Variants in SPAG6 observed in about 807,000 individuals in gnomAD.
The protein encoded by SPAG6 is sperm associated antigen 6, also known as sperm-associated antigen 6.
SPAG6 carries 49 observed loss-of-function variants against 58.5 expected under a neutral mutation model. The ratio of observed to expected loss-of-function variants is 0.84; its 90% CI spans 0.67 to 1.06. The LOEUF is 1.06. Among genes scored for constraint, SPAG6 ranks in the 50% least tolerant of loss-of-function variants. The pLI is 0.00. For synonymous variants in SPAG6, 233 were observed against 225.6 expected (o/e 1.03, Z -0.29); for missense variants, 560 against 611.3 (o/e 0.92, Z 0.89).
At position 22,401,213 on chromosome 10, in the gene SPAG6, T is replaced by G. The variant is rs144459839; in HGVS notation, c.1250T>G (p.Leu417Arg). The G allele has an allele frequency of 1.2e-6, 2 of 1,609,508 alleles. No homozygotes were observed. The highest frequency in any genetic ancestry group is 8.5e-7 in the Non-Finnish European group (1 of 1,176,120). Residue 417 changes from leucine to arginine, a missense_variant, in exon 9 of 11, where the codon CTT becomes CGT. By Grantham distance (102) the Leu-to-Arg change is moderately radical. Coordinates refer to ENST00000376624, the MANE Select transcript of SPAG6 (RefSeq NM_012443.4). ...ILQKCTYLPA[L>R]EPFLYDAPPN... ...CAAAAATGTACCTACTTACCAGCCC[T>G]TGAACCATTTCTATATGATGCTCCT...
intron 4 of SPAG6, among the ~76,000 whole-genome samples, chr10:22,374,957 T>TA (rs151079289): frequency 0.014 from 2,092 of 152,338 alleles, 27 homozygotes; most frequent in Non-Finnish European, 0.022. Context: ...TCCCACAAAA[T>TA]ACCTGCTCTA....
intron 10 of SPAG6, chr10:22,413,083 A>AAAAAAAAAAAAAAAT (rs1834780878): frequency 6.6e-6 from 1 of 150,480 alleles, no homozygotes; most frequent in African/African-American, 2.4e-5. Flanking sequence ...AAAAAAAAAA[A>AAAAAAAAAAAAAAAT]AAAAAGAACT....
intron 2 of SPAG6, among the ~76,000 whole-genome samples, chr10:22,353,210 A>C (rs953112277): frequency 3.9e-5 from 6 of 152,222 alleles, no homozygotes; most frequent in African/African-American, 1.4e-4. Flanking sequence ...AAACTCTTGG[A>C]GCAGATAATC....
intron 8 of SPAG6, among the ~76,000 whole-genome samples, chr10:22,396,945 A>G (rs1834307397): frequency 6.6e-6 from 1 of 152,224 alleles, no homozygotes; most frequent in Admixed American, 6.5e-5. Context: ...AAATGCAATG[A>G]CAATTAGGAA....
Position 22,345,830 on chromosome 10 carries a change from G to GC in SPAG6, c.121+15dup. The GC allele has an allele frequency of 6.2e-7, 1 of 1,610,620 alleles. No homozygotes were observed. The highest frequency in any genetic ancestry group is 8.5e-7 in the Non-Finnish European group (1 of 1,178,610). ...GCTGCAGAACGCGGGTGAGCCCGGA[G>GC]CCCGAACCCCCGTCGCCCCCCGCGC... On this transcript the variant is annotated intron_variant, in intron 2 of 10. Transcript: ENST00000376624. The surrounding 1 kb of genome is among the most constrained non-coding windows in gnomAD (Gnocchi z 6.3).
chr10:22,405,073 C>T (rs1254621645), intron 9 of SPAG6, among the ~76,000 whole-genome samples: 9 of 152,146 alleles, frequency 5.9e-5, no homozygotes, highest in Non-Finnish European at 1.0e-4. Context: ...ACAATCATGT[C>T]GTCTGCAAAC....
chr10:22,383,254 T>C (rs1164199515), intron 4 of SPAG6, among the ~76,000 whole-genome samples: 1 of 152,222 alleles, frequency 6.6e-6, no homozygotes, highest in Non-Finnish European at 1.5e-5. Flanking sequence ...GAGTTTAAAA[T>C]GAACTTCATG....
In SPAG6 at chr10:22,401,143, T is replaced by G. The variant is rs751947955; in HGVS notation, c.1198-18T>G. The G allele has an allele frequency of 8.6e-7, 1 of 1,162,344 alleles. No homozygotes were observed. Among genetic ancestry groups the G allele is most frequent in the South Asian group, 1.2e-5 (1 of 81,452 alleles). The allele number at this position is 1,162,344 out of a possible 1,614,324, so 72.0% of individuals were successfully genotyped here. ...ATTGATTACTTACTTATGTATACAT[T>G]CTGCTTTGTATTTCTAGAGTAAAAA... On this transcript the variant is annotated intron_variant, in intron 8 of 10. Coordinates refer to ENST00000376624, the MANE Select transcript of SPAG6 (RefSeq NM_012443.4).
chr10:22,356,768 C>G (rs142556983), intron 2 of SPAG6, among the ~76,000 whole-genome samples: 85 of 152,292 alleles, frequency 5.6e-4, no homozygotes, highest in South Asian at 2.3e-3. Context: ...TCCAGGCTAT[C>G]TTCATATCTG....
chr10:22,405,948 A>ATGG (rs1456718727), intron 9 of SPAG6, among the ~76,000 whole-genome samples: 4 of 152,052 alleles, frequency 2.6e-5, no homozygotes, highest in Non-Finnish European at 4.4e-5. Flanking sequence ...GTATTCTCTG[A>ATGG]TGGTAGTTTG....
At chr10:22,411,840 C>CTTTTTTTTTTTTTTTTTTT (rs546172800) in intron 10 of SPAG6, among the ~76,000 whole-genome samples, 3 of 66,750 alleles carry the variant, frequency 4.5e-5, no homozygotes, top group African/African-American at 1.8e-4. Context: ...ACAACTGAAT[C>CTTTTTTTTTTTTTTTTTTT]TTTTTTTTTT....
At chr10:22,404,114 T>G (rs1834486636) in intron 9 of SPAG6, among the ~76,000 whole-genome samples, 1 of 122,798 alleles carries the variant, frequency 8.1e-6, no homozygotes, top group Middle Eastern at 3.8e-3. Context: ...TAGTTTCTTT[T>G]GCTGTGCAGA....
chr10:22,361,927 T>A (rs925409564), intron 2 of SPAG6, among the ~76,000 whole-genome samples: 4 of 150,092 alleles, frequency 2.7e-5, no homozygotes, highest in African/African-American at 9.7e-5. Context: ...TAATTCAATA[T>A]GAAAAATTTC....
chr10:22,360,962 A>G, intron 2 of SPAG6: 1 of 716,810 alleles, frequency 1.4e-6, no homozygotes, highest in Non-Finnish European at 2.4e-6. Context: ...TGTAGTTTTA[A>G]GAGAAACTTG....
chr10:22,387,094 A>T, intron 5 of SPAG6, 135 bp downstream of exon 5: 1 of 679,110 alleles, frequency 1.5e-6, no homozygotes, highest in Non-Finnish European at 2.5e-6. Context: ...TATATTATGT[A>T]TTTGGTCTCT....
chr10:22,389,728 G>T (rs1416476903), intron 7 of SPAG6, among the ~76,000 whole-genome samples: 3 of 152,186 alleles, frequency 2.0e-5, no homozygotes, highest in African/African-American at 7.2e-5. Context: ...AGTGGGAGAT[G>T]ACAATGGCTA....
At chr10:22,381,987 A>G (rs1833968128) in intron 4 of SPAG6, among the ~76,000 whole-genome samples, 1 of 152,220 alleles carries the variant, frequency 6.6e-6, no homozygotes, top group African/African-American at 2.4e-5. Flanking sequence ...GCCCTTCGTT[A>G]GGAAAAAACC....
chr10:22,402,728 T>C (rs1286813120), intron 9 of SPAG6, among the ~76,000 whole-genome samples: 3 of 152,200 alleles, frequency 2.0e-5, no homozygotes, highest in Non-Finnish European at 4.4e-5. Flanking sequence ...AATAACCAAA[T>C]AATGCAGAGA....
chr10:22,378,600 C>G (rs1045260053), intron 4 of SPAG6, among the ~76,000 whole-genome samples: 1 of 152,052 alleles, frequency 6.6e-6, no homozygotes, highest in Admixed American at 6.6e-5. Context: ...CCGGGACACT[C>G]CAGACCCTCT....
Sources: gnomAD v4.1 joint callset for allele counts (sites outside exome capture counted in the v4.1 genomes callset) on GRCh38, gnomAD v4.1.1 for gene constraint, Gnocchi (gnomAD v3.1) non-coding constraint, MANE v1.5 for transcripts, NCBI Gene and HGNC (gene_info 2026-07-23, HGNC 2026-07-21) for gene names.